Variants in ZNF540 observed in about 807,000 individuals in gnomAD.
ZNF540 encodes CTD-3064H18.6.
A neutral mutation model predicts 11.8 loss-of-function variants in ZNF540; 3 were observed. The observed-to-expected ratio is 0.25, with a 90% CI of 0.12 to 0.65. The LOEUF (loss-of-function observed/expected upper bound fraction) is 0.65, where lower values mean the gene tolerates loss of function less well. ZNF540 is among the 30% of genes least tolerant of loss of function. The pLI is 0.83. For missense variants in ZNF540, 709 were observed against 793.1 expected, an observed-to-expected ratio of 0.89 and a Z score of 1.27; for synonymous variants, 247 against 259.0, an observed-to-expected ratio of 0.95 and a Z score of 0.45.
chr19:37,578,767 C>T (rs1312586543), intron 1 of ZNF540, among the ~76,000 whole-genome samples: 3 of 152,176 alleles, frequency 2.0e-5, no homozygotes, highest in Non-Finnish European at 4.4e-5. Context: ...GCCCTACCTC[C>T]TCTGAGGCGG....
At chr19:37,566,349 C>A (rs118051536) in intron 1 of ZNF540, 52,547 of 1,520,344 alleles carry the variant, frequency 0.035, 1,088 homozygotes, top group Middle Eastern at 0.061. Context: ...AATAAAAATT[C>A]TATGGTAAAA....
At chr19:37,598,583 A>G (rs1043310062) in intron 2 of ZNF540, 127 bp downstream of exon 2, 55 of 948,982 alleles carry the variant, frequency 5.8e-5, no homozygotes, top group Non-Finnish European at 6.3e-5. Flanking sequence ...AGCTCCTCCC[A>G]TGGGCCCCCT....
At chr19:37,564,992 C>T (rs981036076) in intron 1 of ZNF540, 22 of 1,613,770 alleles carry the variant, frequency 1.4e-5, no homozygotes, top group Non-Finnish European at 1.8e-5. Context: ...GGTCTTCCCA[C>T]ATTCCTTACA....
At chr19:37,601,860 A>G (rs1305617114) in intron 4 of ZNF540, among the ~76,000 whole-genome samples, 2 of 152,226 alleles carry the variant, frequency 1.3e-5, no homozygotes, top group Non-Finnish European at 2.9e-5. Flanking sequence ...CTAAATATGA[A>G]TTTAGAGCTG....
At chr19:37,568,065 G>A (rs761494918) in intron 1 of ZNF540, among the ~76,000 whole-genome samples, 8 of 152,024 alleles carry the variant, frequency 5.3e-5, no homozygotes, top group Non-Finnish European at 1.0e-4. Flanking sequence ...ATATTATTCC[G>A]AAGAAAGAAG....
At chr19:37,570,258 T>C (rs1375681494) in intron 1 of ZNF540, among the ~76,000 whole-genome samples, 2 of 152,216 alleles carry the variant, frequency 1.3e-5, no homozygotes, top group Non-Finnish European at 2.9e-5. Flanking sequence ...CTCCAAACTA[T>C]GCCTTTTGGA....
chr19:37,586,049 AT>A (rs1311635897), intron 1 of ZNF540: 2 of 152,322 alleles, frequency 1.3e-5, no homozygotes, highest in African/African-American at 4.8e-5. Flanking sequence ...ATACTATGAT[AT>A]TAGCCCTTTC....
intron 1 of ZNF540, among the ~76,000 whole-genome samples, chr19:37,573,794 C>T (rs1225981167): frequency 6.6e-6 from 1 of 150,486 alleles, no homozygotes; most frequent in Non-Finnish European, 1.5e-5. Flanking sequence ...GACTGTGCCA[C>T]TGCACTCCAG....
At chr19:37,554,989 A>G (rs2042644390) in intron 1 of ZNF540, 1 of 152,256 alleles carries the variant, frequency 6.6e-6, no homozygotes, top group Admixed American at 6.5e-5. Context: ...TTCCAGGTGC[A>G]GGGGCTTTAA....
chr19:37,589,884 A>AAAAAAAAAAC (rs2043814752), upstream of ZNF540, among the ~76,000 whole-genome samples: 1 of 149,920 alleles, frequency 6.7e-6, no homozygotes, highest in African/African-American at 2.4e-5. Context: ...AAAAAAAAAA[A>AAAAAAAAAAC]AAAGCACACT....
intron 1 of ZNF540, chr19:37,564,077 C>A (rs924153463): frequency 1.3e-5 from 2 of 152,074 alleles, no homozygotes; most frequent in Non-Finnish European, 2.9e-5. Context: ...GTCCTTCATA[C>A]CTTTACTATA....
intron 1 of ZNF540, chr19:37,565,003 T>C (rs2042797983): frequency 1.2e-6 from 2 of 1,613,904 alleles, no homozygotes; most frequent in Middle Eastern, 1.7e-4. Context: ...ATTCCTTACA[T>C]TCATAATGTT....
chr19:37,565,213 A>T, intron 1 of ZNF540: 1 of 1,612,894 alleles, frequency 6.2e-7, no homozygotes, highest in South Asian at 1.1e-5. Context: ...GTTGAATAAG[A>T]TTAGAATTAG....
intron 1 of ZNF540, among the ~76,000 whole-genome samples, chr19:37,559,314 A>G (rs1409223537): frequency 1.3e-5 from 2 of 152,244 alleles, no homozygotes; most frequent in Non-Finnish European, 2.9e-5. Context: ...TGATCTATTA[A>G]AATTTAAAAT....
Position 37,614,150 on chromosome 19 carries a change from T to G in ZNF540, c.*887T>G. Reference sequence around the variant, plus strand: ...AGCCCAGATAACTAAGGCACTCCATTAGAATATAAATAAAATGTAAAGATC... The same window carrying G: ...AGCCCAGATAACTAAGGCACTCCATGAGAATATAAATAAAATGTAAAGATC... On this transcript the variant is annotated 3_prime_UTR_variant, in exon 5 of 5. Transcript: ENST00000316433. The G allele has an allele frequency of 3.2e-6, 1 of 313,144 alleles. No individual in the cohort carries two copies. Among genetic ancestry groups the G allele is most frequent in the Non-Finnish European group, 5.8e-6 (1 of 173,670 alleles). The allele number at this position is 313,144 out of a possible 1,614,324, so 19.4% of individuals were successfully genotyped here.
At chr19:37,551,507 C>T (rs1170209153) in exon 1 of ZNF540, 2 of 152,500 alleles carry the variant, frequency 1.3e-5, no homozygotes, top group East Asian at 1.9e-4. Flanking sequence ...GTCCCCCGAC[C>T]CTAGGAGTCG....
intron 1 of ZNF540, chr19:37,563,569 G>A (rs193263298): frequency 4.0e-5 from 6 of 151,844 alleles, no homozygotes; most frequent in Middle Eastern, 3.4e-3. Flanking sequence ...TACATATATG[G>A]TATATGGAAT....
At chr19:37,551,845 T>C (rs914929419) in intron 1 of ZNF540, among the ~76,000 whole-genome samples, 2 of 151,306 alleles carry the variant, frequency 1.3e-5, no homozygotes, top group African/African-American at 2.4e-5. Flanking sequence ...GGGGGGGTGG[T>C]GTCTGGTGAA....
At chr19:37,554,876 A>G (rs1459997225) in intron 1 of ZNF540, 1 of 152,144 alleles carries the variant, frequency 6.6e-6, no homozygotes, top group Non-Finnish European at 1.5e-5. Context: ...TTTCTTTTAT[A>G]CTTTGGTTTA....
Sources: gnomAD v4.1 joint callset for allele counts (sites outside exome capture counted in the v4.1 genomes callset) on GRCh38, gnomAD v4.1.1 for gene constraint, MANE v1.5 for transcripts, NCBI Gene and HGNC (gene_info 2026-07-23, HGNC 2026-07-21) for gene names.